The following ARHGEF2 variants were observed in gnomAD, a reference collection of about 807,000 sequenced individuals.
ARHGEF2 encodes the protein Rho/Rac guanine nucleotide exchange factor 2, also known as rho guanine nucleotide exchange factor 2.
A neutral mutation model predicts 121.0 loss-of-function variants in ARHGEF2; 22 were observed. That is an observed-to-expected ratio of 0.18 (90% CI 0.13 to 0.26). The LOEUF (loss-of-function observed/expected upper bound fraction) is 0.26. Among genes scored for constraint, ARHGEF2 ranks in the 10% least tolerant of loss-of-function variants. ARHGEF2 has a pLI of 1.00. For missense variants in ARHGEF2, 907 were observed against 1,336.0 expected, an observed-to-expected ratio of 0.68 and a Z score of 5.01; for synonymous variants, 487 against 530.0, an observed-to-expected ratio of 0.92 and a Z score of 1.11.
At chr1:155,964,252 C>T (rs1678875782) in intron 7 of ARHGEF2, among the ~76,000 whole-genome samples, 1 of 133,262 alleles carries the variant, frequency 7.5e-6, no homozygotes, top group Non-Finnish European at 1.5e-5. Context: ...GCTTTGTTGC[C>T]TAGGTTGGTC....
intron 1 of ARHGEF2, chr1:155,970,307 G>A (rs778487603): frequency 1.7e-5 from 17 of 985,518 alleles, no homozygotes; most frequent in Non-Finnish European, 2.0e-5. Flanking sequence ...CCCTGCCTCT[G>A]CAAGTCAAGT....
intron 2 of ARHGEF2, chr1:155,968,893 T>C (rs1679950873): frequency 1.0e-5 from 4 of 395,898 alleles, no homozygotes; most frequent in Non-Finnish European, 1.4e-5. Flanking sequence ...GGGTGCCTGG[T>C]GGATGACAGC....
At position 155,965,735 on chromosome 1, in the gene ARHGEF2, C is replaced by T. The variant is rs538534800; in HGVS notation, c.366G>A (p.Ser122=). ...GGAAGCTGTCGGAGGGGTAGATGGC[C>T]GAGCTTGGCCGCTCCCGGATGGTTG... ...SKTTIRERPS[S]AIYPSDSFRQ... The change falls in exon 5 of 22, where the codon TCG becomes TCA. Residue 122 remains serine, a synonymous_variant. Coordinates refer to ENST00000361247, the MANE Select transcript of ARHGEF2 (RefSeq NM_001162383.2). The surrounding 1 kb of genome is among the most constrained non-coding windows in gnomAD (Gnocchi z 6.0). 20 of 1,600,250 alleles carry T rather than the reference C, an allele frequency of 1.2e-5. No individual in the cohort carries two copies. The highest frequency in any genetic ancestry group is 2.7e-5 in the African/African-American group (2 of 74,034).
chr1:155,948,079 G>T, intron 21 of ARHGEF2, 64 bp from the exon 22 acceptor site: 1 of 1,343,212 alleles, frequency 7.4e-7, no homozygotes, highest in Non-Finnish European at 1.0e-6. Flanking sequence ...TGTACCCCTA[G>T]ACTAATGCCT....
At position 155,978,545 on chromosome 1, in the gene ARHGEF2, C is replaced by T. The variant is rs892568932; in HGVS notation, c.-118G>A. On this transcript the variant is annotated 5_prime_UTR_variant, in exon 1 of 22. Transcript: ENST00000361247. This position sits in a 1 kb window ranked among gnomAD's most constrained non-coding sequence, Gnocchi z 4.1. ...TTGGTCTCGGGGACAGGAAGTCTGA[C>T]TCCCCTCGCCCGGCACCCAGCACCA... 7.9e-7 allele frequency: 1 copy of T among 1,270,508 alleles called. No homozygotes were observed. Among genetic ancestry groups the T allele is most frequent in the African/African-American group, 1.5e-5 (1 of 64,830 alleles). 78.7% of individuals were successfully genotyped at this position (1,270,508 alleles called of 1,614,324 possible).
intron 11 of ARHGEF2, among the ~76,000 whole-genome samples, chr1:155,960,482 A>AGAG (rs200915920): frequency 6.7e-5 from 10 of 150,040 alleles, no homozygotes; most frequent in Non-Finnish European, 1.3e-4. Context: ...AAAAAAAAAA[A>AGAG]AGAGAGAGAA....
chr1:155,950,493 T>C lies in ARHGEF2; in HGVS notation c.2704-11A>G. 6.2e-7 allele frequency: 1 copy of C among 1,612,814 alleles called. No individual in the cohort carries two copies. Among genetic ancestry groups the C allele is most frequent in the South Asian group, 1.1e-5 (1 of 91,056 alleles). On this transcript the variant is annotated splice_polypyrimidine_tract_variant and intron_variant, in intron 20 of 21. Transcript: ENST00000361247. The surrounding 1 kb of genome is among the most constrained non-coding windows in gnomAD (Gnocchi z 5.2). ...AGTGCCTCGGCTGGGCTGTGGACAG[T>C]GGGCAGGAAGAACAGCAGGTCAGGG...
At chr1:155,970,025 A>G (rs1405543302) in intron 1 of ARHGEF2, 7 of 985,294 alleles carry the variant, frequency 7.1e-6, no homozygotes, top group Non-Finnish European at 8.4e-6. Context: ...GGGATCTTTA[A>G]GTAAGGAAGC....
chr1:155,951,890 C>T lies in ARHGEF2; in HGVS notation c.2172+29G>A, dbSNP rs1461765091. On this transcript the variant is annotated intron_variant, in intron 17 of 21. Coordinates refer to ENST00000361247, the MANE Select transcript of ARHGEF2 (RefSeq NM_001162383.2). This position sits in a 1 kb window ranked among gnomAD's most constrained non-coding sequence, Gnocchi z 5.1. ...TGGCTGTCCCTCTCCCACCCTCTTG[C>T]CAAGTCCCAGAACCTCTTGAGGACC... 1 of 1,613,480 alleles carries T rather than the reference C, an allele frequency of 6.2e-7. No homozygotes were observed. The highest frequency in any genetic ancestry group is 8.5e-7 in the Non-Finnish European group (1 of 1,179,896).
Position 155,957,895 on chromosome 1 carries a change from G to C in ARHGEF2, c.1546-13C>G. 1 of 1,611,684 alleles carries C rather than the reference G, an allele frequency of 6.2e-7. No individual in the cohort carries two copies. Among genetic ancestry groups the C allele is most frequent in the Non-Finnish European group, 8.5e-7 (1 of 1,178,688 alleles). On this transcript the variant is annotated splice_polypyrimidine_tract_variant and intron_variant, in intron 12 of 21. Transcript: ENST00000361247. The stretch of plus-strand genomic sequence containing the variant: ...CTGAAGGCTTGTCCTGCCAGTCAGG[G>C]GAAAGGAAGGATTAAGCCTGGGAAT...
chr1:155,979,199 C>T, upstream of ARHGEF2: 3 of 985,546 alleles, frequency 3.0e-6, no homozygotes, highest in Non-Finnish European at 3.6e-6. Flanking sequence ...TTCCTGACCC[C>T]ACTCTGCCCT....
At chr1:155,948,632 AAAAAC>A (rs537632355) in intron 21 of ARHGEF2, among the ~76,000 whole-genome samples, 2 of 152,172 alleles carry the variant, frequency 1.3e-5, no homozygotes, top group African/African-American at 2.4e-5. Flanking sequence ...CTGTCTCAAA[AAAAAC>A]AAAACAAAAC....
chr1:155,972,433 A>G (rs1410598173), intron 1 of ARHGEF2: 2 of 386,416 alleles, frequency 5.2e-6, no homozygotes, highest in Admixed American at 2.8e-5. Context: ...GGAAGGACAT[A>G]GGGCCTGCTT....
At chr1:155,948,974 A>T (rs1650118021) in intron 21 of ARHGEF2, among the ~76,000 whole-genome samples, 1 of 152,030 alleles carries the variant, frequency 6.6e-6, no homozygotes, top group Non-Finnish European at 1.5e-5. Context: ...GGGACCAGGC[A>T]CGGTGGCTCA....
rs1037279442 is a variant in ARHGEF2, at chr1:155,950,049, G to A, written c.2887+250C>T. On this transcript the variant is annotated intron_variant, in intron 21 of 21. Coordinates refer to ENST00000361247, the MANE Select transcript of ARHGEF2 (RefSeq NM_001162383.2). This position sits in a 1 kb window ranked among gnomAD's most constrained non-coding sequence, Gnocchi z 5.2. The stretch of plus-strand genomic sequence containing the variant: ...AGTGTTAGGATTACAGGCCTGAGCC[G>A]CCATGCCTTTTTAAAAAAGAATCTG... Among the ~76,000 whole-genome samples the A allele has an allele frequency of 6.6e-6, 1 of 151,918 alleles. No individual in the cohort carries two copies. Among genetic ancestry groups the A allele is most frequent in the African/African-American group, 2.4e-5 (1 of 41,362 alleles).
chr1:155,973,739 C>T (rs1680851495), intron 1 of ARHGEF2, among the ~76,000 whole-genome samples: 1 of 149,418 alleles, frequency 6.7e-6, no homozygotes, highest in Non-Finnish European at 1.5e-5. Flanking sequence ...GAGCGAGACT[C>T]TGTCTCAAAA....
chr1:155,973,500 CTT>C (rs1477260550), intron 1 of ARHGEF2, among the ~76,000 whole-genome samples: 2 of 152,184 alleles, frequency 1.3e-5, no homozygotes, highest in African/African-American at 4.8e-5. Context: ...AATCCTAACA[CTT>C]TGAGAGGCCG....
rs1674573219 is a variant in ARHGEF2 at position 155,947,336 on chromosome 1, T to C, written c.*606A>G. 2.2e-6 allele frequency: 1 copy of C among 456,580 alleles called. No individual in the cohort carries two copies. Among genetic ancestry groups the C allele is most frequent in the Middle Eastern group, 3.3e-4 (1 of 3,068 alleles). The allele number at this position is 456,580 out of a possible 1,614,324, so 28.3% of individuals were successfully genotyped here. A position where few individuals can be genotyped will look rare whatever the true frequency, so the allele number is the denominator to read the frequency against. On this transcript the variant is annotated 3_prime_UTR_variant, in exon 22 of 22. Transcript: ENST00000361247. ...AAACCATTATGGCCACCCCAACCTTTATTCCATCAACTCCAGGAAGCCAGG... is the reference window on the plus strand; with the variant it reads ...AAACCATTATGGCCACCCCAACCTTCATTCCATCAACTCCAGGAAGCCAGG...
chr1:155,979,354 G>A, upstream of ARHGEF2: 1 of 984,036 alleles, frequency 1.0e-6, no homozygotes, highest in Non-Finnish European at 1.2e-6. Context: ...GCCTGCCCTA[G>A]TCAAAGAAAG....
Sources: gnomAD v4.1 joint callset for allele counts (sites outside exome capture counted in the v4.1 genomes callset) on GRCh38, gnomAD v4.1.1 for gene constraint, Gnocchi (gnomAD v3.1) non-coding constraint, MANE v1.5 for transcripts, NCBI Gene and HGNC (gene_info 2026-07-23, HGNC 2026-07-21) for gene names.